Variants in SHISA6 observed in about 807,000 individuals in gnomAD.
SHISA6 encodes shisa family member 6.
Under a neutral mutation model 47.9 loss-of-function variants are expected in SHISA6, and 22 were observed. The observed-to-expected ratio is 0.46, with a 90% CI of 0.33 to 0.66. The LOEUF is 0.66. Ranked by LOEUF, SHISA6 falls within the 30% of genes least tolerant of loss-of-function variation. The probability of loss-of-function intolerance (pLI) is 0.02; values close to 1 mark genes in which losing one functional copy is unlikely to be tolerated. For missense variants in SHISA6, 680 were observed against 764.6 expected, an observed-to-expected ratio of 0.89 and a Z score of 1.30; for synonymous variants, 388 against 337.8, an observed-to-expected ratio of 1.15 and a Z score of -1.63.
At chr17:11,399,580 C>G (rs1022850505) in intron 3 of SHISA6, among the ~76,000 whole-genome samples, 2 of 152,130 alleles carry the variant, frequency 1.3e-5, no homozygotes, top group Admixed American at 6.5e-5. Flanking sequence ...TGCCACCACA[C>G]CCAGCTAATT....
chr17:11,260,523 C>T (rs994852458), intron 1 of SHISA6, among the ~76,000 whole-genome samples: 1 of 151,952 alleles, frequency 6.6e-6, no homozygotes, highest in African/African-American at 2.4e-5. Flanking sequence ...CTCTCTCTGA[C>T]CCCCTTTCCC....
At chr17:11,390,969 A>C (rs1913367662) in intron 3 of SHISA6, among the ~76,000 whole-genome samples, 1 of 152,214 alleles carries the variant, frequency 6.6e-6, no homozygotes, top group African/African-American at 2.4e-5. Flanking sequence ...ACAGTGGAGG[A>C]TATTATAAGA....
At chr17:11,429,573 G>A (rs1390552060) in intron 3 of SHISA6, among the ~76,000 whole-genome samples, 1 of 150,798 alleles carries the variant, frequency 6.6e-6, no homozygotes, top group Non-Finnish European at 1.5e-5. Flanking sequence ...CTGAGGTTGG[G>A]AGTTCAAGAC....
intron 3 of SHISA6, among the ~76,000 whole-genome samples, chr17:11,461,329 G>A (rs570049016): frequency 9.5e-5 from 14 of 147,364 alleles, no homozygotes; most frequent in African/African-American, 1.5e-4. Flanking sequence ...CCTGGGAGGC[G>A]AAGCTTGCAG....
At chr17:11,370,968 AGAG>A (rs1337898048) in intron 2 of SHISA6, among the ~76,000 whole-genome samples, 1 of 152,156 alleles carries the variant, frequency 6.6e-6, no homozygotes, top group East Asian at 1.9e-4. Flanking sequence ...AGACAACCAG[AGAG>A]GAGATCTTTG....
At chr17:11,520,533 CCTT>C (rs1243119405) in intron 3 of SHISA6, among the ~76,000 whole-genome samples, 1 of 152,090 alleles carries the variant, frequency 6.6e-6, no homozygotes, top group Non-Finnish European at 1.5e-5. Context: ...AAGCCTCTCT[CCTT>C]CTTGCTCTAA....
chr17:11,300,149 CAAA>C (rs56060137), intron 2 of SHISA6, among the ~76,000 whole-genome samples: 22 of 129,140 alleles, frequency 1.7e-4, no homozygotes, highest in Admixed American at 3.2e-4. Flanking sequence ...CATCTTAAAA[CAAA>C]AAAAAAAAAA....
At chr17:11,525,652 C>A (rs71369651) in intron 3 of SHISA6, among the ~76,000 whole-genome samples, 29,516 of 102,660 alleles carry the variant, frequency 0.29, 6,343 homozygotes, top group Non-Finnish European at 0.33. Flanking sequence ...AAAAAAAAAA[C>A]AAAAAAAAAA....
intron 2 of SHISA6, among the ~76,000 whole-genome samples, chr17:11,327,360 G>A (rs950268216): frequency 5.3e-5 from 8 of 152,164 alleles, no homozygotes; most frequent in Non-Finnish European, 1.0e-4. Flanking sequence ...CCTTCCGCAA[G>A]GATTAGTTTT....
intron 2 of SHISA6, among the ~76,000 whole-genome samples, chr17:11,267,305 GA>G (rs1908461451): frequency 6.6e-6 from 1 of 152,128 alleles, no homozygotes; most frequent in South Asian, 2.1e-4. Context: ...CATTCCATTG[GA>G]ACTTGTTAGA....
intron 2 of SHISA6, among the ~76,000 whole-genome samples, chr17:11,376,052 G>GAT (rs1912786873): frequency 6.6e-6 from 1 of 152,136 alleles, no homozygotes. Context: ...AGCTCTGCTG[G>GAT]ATATACATGG....
At chr17:11,322,345 C>G (rs1315171606) in intron 2 of SHISA6, among the ~76,000 whole-genome samples, 1 of 152,020 alleles carries the variant, frequency 6.6e-6, no homozygotes, top group Non-Finnish European at 1.5e-5. Flanking sequence ...TTCAGGTTTC[C>G]CCTTGGCTCT....
At chr17:11,527,853 A>C (rs1296092229) in intron 3 of SHISA6, among the ~76,000 whole-genome samples, 1 of 152,158 alleles carries the variant, frequency 6.6e-6, no homozygotes, top group Non-Finnish European at 1.5e-5. Context: ...TAAAAATCTG[A>C]AGTTATTGTT....
chr17:11,538,142 C>T (rs562866918), intron 3 of SHISA6, among the ~76,000 whole-genome samples: 7 of 152,260 alleles, frequency 4.6e-5, no homozygotes, highest in African/African-American at 9.6e-5. Context: ...CGGCTCACTG[C>T]AACTTCTGCC....
chr17:11,395,276 C>T (rs1040222567), intron 3 of SHISA6, among the ~76,000 whole-genome samples: 1 of 151,660 alleles, frequency 6.6e-6, no homozygotes, highest in Admixed American at 6.6e-5. Flanking sequence ...AAATGTTTTT[C>T]CTGGTCTGGG....
At chr17:11,508,099 G>A (rs1353621968) in intron 3 of SHISA6, among the ~76,000 whole-genome samples, 1 of 152,222 alleles carries the variant, frequency 6.6e-6, no homozygotes, top group Non-Finnish European at 1.5e-5. Context: ...CAAGGTTTTG[G>A]AGGCAGCAAG....
chr17:11,412,475 TTC>T (rs1353937026), intron 3 of SHISA6, among the ~76,000 whole-genome samples: 6 of 152,160 alleles, frequency 3.9e-5, no homozygotes, highest in African/African-American at 1.4e-4. Flanking sequence ...CCAACCAAGA[TTC>T]TGTTTACTCT....
chr17:11,498,993 G>A (rs766292180), intron 3 of SHISA6, among the ~76,000 whole-genome samples: 1 of 152,176 alleles, frequency 6.6e-6, no homozygotes, highest in African/African-American at 2.4e-5. Flanking sequence ...GGCAGAGGTG[G>A]AAGCTGCAGT....
At chr17:11,411,499 C>T (rs148517472) in intron 3 of SHISA6, among the ~76,000 whole-genome samples, 1,793 of 152,180 alleles carry the variant, frequency 0.012, 43 homozygotes, top group East Asian at 0.096. Flanking sequence ...CAGGTTCAAG[C>T]GATTCTCCTG....
Sources: allele counts gnomAD v4.1 joint callset (sites outside exome capture counted in the v4.1 genomes callset), GRCh38; gene constraint gnomAD v4.1.1; transcripts MANE v1.5; gene names NCBI Gene and HGNC (gene_info 2026-07-23, HGNC 2026-07-21).